Variants in PCMTD1 observed in about 807,000 individuals in gnomAD.
PCMTD1 encodes the protein protein-L-isoaspartate (D-aspartate) O-methyltransferase domain containing 1.
In PCMTD1, 12 loss-of-function variants were observed where a neutral mutation model predicts 37.6. The observed-to-expected ratio is 0.32, with a 90% CI of 0.20 to 0.52. The LOEUF (loss-of-function observed/expected upper bound fraction) is 0.52, where lower values mean the gene tolerates loss of function less well. PCMTD1 is among the 20% of genes least tolerant of loss of function. The pLI, the probability that PCMTD1 is intolerant of heterozygous loss-of-function variation, is 0.97. For synonymous variants in PCMTD1, 117 were observed against 135.8 expected (o/e 0.86, Z 0.96); for missense variants, 235 against 421.3 (o/e 0.56, Z 3.87).
chr8:51,833,324 G>C (rs2038022050), intron 4 of PCMTD1, among the ~76,000 whole-genome samples, 194 bp downstream of exon 4: 1 of 152,196 alleles, frequency 6.6e-6, no homozygotes, highest in African/African-American at 2.4e-5. Flanking sequence ...TCATAGTAGA[G>C]AGATCTTTTC....
intron 5 of PCMTD1, among the ~76,000 whole-genome samples, chr8:51,822,708 G>C (rs1271878835): frequency 1.3e-5 from 2 of 152,096 alleles, no homozygotes; most frequent in Non-Finnish European, 2.9e-5. Flanking sequence ...GGAGCTCAGG[G>C]GCAAGGTCGG....
intron 1 of PCMTD1, chr8:51,896,055 C>G (rs959775895): frequency 6.6e-6 from 1 of 150,834 alleles, no homozygotes; most frequent in African/African-American, 2.5e-5. Context: ...AAGCGACTCT[C>G]CTGCCTCAGC....
chr8:51,876,445 T>G (rs1002366310), intron 1 of PCMTD1, among the ~76,000 whole-genome samples: 1 of 152,176 alleles, frequency 6.6e-6, no homozygotes, highest in African/African-American at 2.4e-5. Flanking sequence ...TATTTTTCCT[T>G]GCTTATGAAG....
chr8:51,831,673 C>T, intron 4 of PCMTD1, 106 bp from the exon 5 acceptor site: 2 of 1,103,484 alleles, frequency 1.8e-6, no homozygotes, highest in Non-Finnish European at 2.5e-6. Flanking sequence ...GTTAGAGCTA[C>T]ACAATCACTT....
At chr8:51,875,784 C>T (rs1311091901) in intron 1 of PCMTD1, among the ~76,000 whole-genome samples, 1 of 152,052 alleles carries the variant, frequency 6.6e-6, no homozygotes, top group African/African-American at 2.4e-5. Context: ...ATTTAAGAAT[C>T]AGCCAGGCAT....
intron 3 of PCMTD1, chr8:51,839,578 G>A: frequency 4.1e-6 from 4 of 985,398 alleles, no homozygotes; most frequent in Non-Finnish European, 4.8e-6. Flanking sequence ...AGGAGATCAG[G>A]GTGACCTAGC....
At chr8:51,889,295 T>C (rs1379313497) in intron 1 of PCMTD1, among the ~76,000 whole-genome samples, 3 of 152,246 alleles carry the variant, frequency 2.0e-5, no homozygotes, top group African/African-American at 4.8e-5. Flanking sequence ...CCTTTATTAC[T>C]GATTATTAAT....
chr8:51,862,450 A>C (rs991805632), intron 1 of PCMTD1, among the ~76,000 whole-genome samples: 1 of 152,224 alleles, frequency 6.6e-6, no homozygotes, highest in Non-Finnish European at 1.5e-5. Context: ...AATTTGAGAA[A>C]ACTAAAAAAA....
At position 51,845,663 on chromosome 8, in the gene PCMTD1, A is replaced by C; in HGVS notation, c.408T>G (p.Asp136Glu). The C allele has an allele frequency of 6.2e-7, 1 of 1,606,634 alleles. No individual in the cohort carries two copies. Among genetic ancestry groups the C allele is most frequent in the South Asian group, 1.1e-5 (1 of 90,916 alleles). ...AAACTATAGATATGAATACTTACTT[A>C]TCAAAGCTATCACTATTTTTGATGA... ...ESFIKNSDSFDKFEFCEPAFV... is the reference protein window; with the variant it reads ...ESFIKNSDSFEKFEFCEPAFV... Residue 136 changes from aspartate to glutamate, a missense_variant and splice_region_variant, in exon 3 of 6, where the codon GAT becomes GAG. Asp to Glu is a conservative substitution (Grantham distance 45). Around this residue, in one of 3 missense-constraint regions of PCMTD1, gnomAD observed 183 missense variants for 349.3 expected, o/e 0.52. Transcript: ENST00000522514.
chr8:51,821,127 C>T (rs1009443214), intron 5 of PCMTD1, among the ~76,000 whole-genome samples: 10 of 152,082 alleles, frequency 6.6e-5, no homozygotes, highest in African/African-American at 2.4e-4. Context: ...ATGTGAGATC[C>T]CATCCCCTAT....
At chr8:51,855,827 T>C (rs1383902373) in intron 2 of PCMTD1, among the ~76,000 whole-genome samples, 3 of 151,892 alleles carry the variant, frequency 2.0e-5, no homozygotes, top group Non-Finnish European at 4.4e-5. Flanking sequence ...GCCTGGCTAA[T>C]TTTTTGATGT....
At chr8:51,839,384 CA>C in intron 3 of PCMTD1, 1 of 866,582 alleles carries the variant, frequency 1.2e-6, no homozygotes, top group Non-Finnish European at 1.4e-6. Context: ...ATAGAGCACA[CA>C]GATATCTCGG....
chr8:51,875,458 A>G (rs1001630900), intron 1 of PCMTD1, among the ~76,000 whole-genome samples: 3 of 152,246 alleles, frequency 2.0e-5, no homozygotes, highest in Admixed American at 6.5e-5. Context: ...AATAGGATTT[A>G]TATCAGTAGG....
rs1213414305 is a variant in PCMTD1 at position 51,833,548 on chromosome 8, T to G, written c.552A>C (p.Gly184=). The part of the protein sequence containing the change: ...ENYMKILLKV[G]GILVMPIEDQ... Reference sequence around the variant, plus strand: ...CCTCTATAGGCATGACTAATATGCCTCCAACTTTTAGTAATATTTTCATGT... The same window carrying G: ...CCTCTATAGGCATGACTAATATGCCGCCAACTTTTAGTAATATTTTCATGT... Residue 184 remains glycine, a synonymous_variant, in exon 4 of 6, where the codon GGA becomes GGC. Coordinates refer to ENST00000522514, the MANE Select transcript of PCMTD1 (RefSeq NM_052937.4). The G allele has an allele frequency of 6.2e-7, 1 of 1,612,618 alleles. No homozygotes were observed. Among genetic ancestry groups the G allele is most frequent in the Non-Finnish European group, 8.5e-7 (1 of 1,179,364 alleles).
intron 1 of PCMTD1, among the ~76,000 whole-genome samples, chr8:51,880,631 A>T (rs1043546862): frequency 2.4e-4 from 36 of 152,152 alleles, no homozygotes. Flanking sequence ...CTGAGGACTT[A>T]TATCACCCAA....
chr8:51,855,659 G>A (rs1585819334), intron 2 of PCMTD1, among the ~76,000 whole-genome samples: 1 of 152,014 alleles, frequency 6.6e-6, no homozygotes, highest in East Asian at 1.9e-4. Context: ...GATACCTGCA[G>A]AATGTGTTTT....
In PCMTD1 at chr8:51,819,538, A is replaced by T. The variant is rs1280493826; in HGVS notation, c.*813T>A. ...CTTTTTTTAAAAAACCAAATACTTT[A>T]TACAGTGAACTACAGAAAAAACAAT... is the stretch of plus-strand genomic sequence containing the variant. On this transcript the variant is annotated 3_prime_UTR_variant, in exon 6 of 6. Transcript: ENST00000522514. 1.3e-5 allele frequency: 2 copies of T among 152,606 alleles called. No homozygotes were observed. The highest frequency in any genetic ancestry group is 2.9e-5 in the Non-Finnish European group (2 of 68,046). The allele number at this position is 152,606 out of a possible 1,614,324, so 9.5% of individuals were successfully genotyped here.
intron 3 of PCMTD1, among the ~76,000 whole-genome samples, chr8:51,837,610 A>C (rs1402912857): frequency 6.6e-6 from 1 of 152,166 alleles, no homozygotes; most frequent in African/African-American, 2.4e-5. Context: ...AGTTAAAGAA[A>C]AAAGCTCTCA....
rs751594063 is a variant in PCMTD1 at position 51,861,017 on chromosome 8, G to A, written c.135C>T (p.Gly45=). The A allele has an allele frequency of 3.6e-5, 58 of 1,613,906 alleles. No homozygotes were observed. The highest frequency in any genetic ancestry group is 4.7e-5 in the Non-Finnish European group (55 of 1,179,998). The change falls in exon 2 of 6, where the codon GGC becomes GGT. Residue 45 remains glycine (G), a synonymous_variant. Coordinates refer to ENST00000522514, the MANE Select transcript of PCMTD1 (RefSeq NM_052937.4). The stretch of plus-strand genomic sequence containing the variant: ...AGTCTTTGTAAGCATTGTCTCTGTA[G>A]CCTTCCAAATAGTAATCTCCACGAT... ...AIDRGDYYLE[G]YRDNAYKDLA... is the part of the protein sequence containing the mutation.
Sources: allele counts gnomAD v4.1 joint callset (sites outside exome capture counted in the v4.1 genomes callset), GRCh38; gene constraint gnomAD v4.1.1; regional missense constraint gnomAD v4.1.1; transcripts MANE v1.5; gene names NCBI Gene and HGNC (gene_info 2026-07-23, HGNC 2026-07-21).